SLC9B2: variants seen among roughly 807,000 people sequenced by gnomAD.
The protein encoded by SLC9B2 is sodium/hydrogen exchanger 9B2.
SLC9B2 carries 39 observed loss-of-function variants against 52.2 expected under a neutral mutation model. The ratio of observed to expected loss-of-function variants is 0.75; its 90% CI spans 0.58 to 0.98. The LOEUF (loss-of-function observed/expected upper bound fraction) is 0.98. Among genes scored for constraint, SLC9B2 ranks in the 50% least tolerant of loss-of-function variants. The pLI is 0.00. For synonymous variants in SLC9B2, 214 were observed against 227.0 expected (o/e 0.94, Z 0.51); for missense variants, 626 against 637.5 (o/e 0.98, Z 0.19).
intron 8 of SLC9B2, among the ~76,000 whole-genome samples, chr4:103,043,756 A>G (rs763763138): frequency 6.6e-6 from 1 of 152,226 alleles, no homozygotes; most frequent in Non-Finnish European, 1.5e-5. Context: ...GACCAAGGTT[A>G]AATTTATAGT....
rs1475978814 is a variant in SLC9B2 at position 103,023,209 on chromosome 4, A to G, written c.*3161T>C. Among the ~76,000 whole-genome samples the G allele has an allele frequency of 6.6e-6, 1 of 152,164 alleles. No individual in the cohort carries two copies. The highest frequency in any genetic ancestry group is 2.4e-5 in the African/African-American group (1 of 41,428). On this transcript the variant is annotated 3_prime_UTR_variant, in exon 12 of 12. Transcript: ENST00000394785. ...GTCAGTAAATGTTTATTAAATGTCT[A>G]CTGTGTTCCATGCCCTGTGAAAAAT...
At chr4:103,045,622 G>A (rs1744053594) in intron 7 of SLC9B2, among the ~76,000 whole-genome samples, 1 of 152,062 alleles carries the variant, frequency 6.6e-6, no homozygotes, top group Non-Finnish European at 1.5e-5. Flanking sequence ...GTTGGTGGGG[G>A]GGTGGGGCGG....
downstream of SLC9B2, among the ~76,000 whole-genome samples, chr4:103,018,684 T>C (rs908809933): frequency 2.0e-5 from 3 of 152,050 alleles, no homozygotes; most frequent in Non-Finnish European, 4.4e-5. Context: ...AGGGACCTGG[T>C]ATGGTCCCGT....
At chr4:103,044,266 T>C (rs2110604180) in intron 8 of SLC9B2, among the ~76,000 whole-genome samples, 1 of 152,316 alleles carries the variant, frequency 6.6e-6, no homozygotes, top group East Asian at 1.9e-4. Context: ...TTATGAACTA[T>C]TTTGTCGGTT....
chr4:103,058,724 T>C, intron 3 of SLC9B2, among the ~76,000 whole-genome samples: 1 of 152,140 alleles, frequency 6.6e-6, no homozygotes. Context: ...TCTGGGACAA[T>C]TATCCTGCTG....
chr4:103,043,753 G>T lies in SLC9B2; in HGVS notation c.997-308C>A, dbSNP rs114644583. Reference sequence around the variant, plus strand: ...GAGCTTTGGAGCTGGACAGACCAAGGTTAAATTTATAGTTTTTATACATTG... The same window carrying T: ...GAGCTTTGGAGCTGGACAGACCAAGTTTAAATTTATAGTTTTTATACATTG... On this transcript the variant is annotated intron_variant, in intron 8 of 11. Transcript: ENST00000394785. Among the ~76,000 whole-genome samples, 1,312 of 152,208 alleles carry T rather than the reference G, an allele frequency of 8.6e-3. 7 individuals carry two copies. Among genetic ancestry groups the T allele is most frequent in the Non-Finnish European group, 0.015 (1,023 of 68,018 alleles).
rs184896446 is a variant in SLC9B2, at chr4:103,048,799, A to G, written c.713+94T>C. ...ATCTATGTTGCATTTTCTGATATCT[A>G]TAAGAAAATTCTATTATGCATTCTC... is the stretch of plus-strand genomic sequence containing the variant. On this transcript the variant is annotated intron_variant, in intron 6 of 11. Coordinates refer to ENST00000394785, the MANE Select transcript of SLC9B2 (RefSeq NM_178833.7). 3.9e-5 allele frequency: 55 copies of G among 1,425,552 alleles called. No homozygotes were observed. The Admixed American group carries it at 8.7e-4, about 22-fold the overall frequency. 88.3% of individuals were successfully genotyped at this position (1,425,552 alleles called of 1,614,324 possible).
At chr4:103,070,508 C>T (rs920598505) in intron 1 of SLC9B2, among the ~76,000 whole-genome samples, 1 of 152,110 alleles carries the variant, frequency 6.6e-6, no homozygotes, top group Non-Finnish European at 1.5e-5. Context: ...TGGCATGATC[C>T]TAGCTCACTG....
At chr4:103,032,695 C>T (rs987354333) in intron 9 of SLC9B2, among the ~76,000 whole-genome samples, 25 of 152,288 alleles carry the variant, frequency 1.6e-4, no homozygotes, top group Non-Finnish European at 2.6e-4. Flanking sequence ...ACCAGCAGCA[C>T]CTAGTGGCCA....
intron 6 of SLC9B2, among the ~76,000 whole-genome samples, chr4:103,047,491 C>A (rs1578458332): frequency 6.6e-6 from 1 of 151,394 alleles, no homozygotes; most frequent in Non-Finnish European, 1.5e-5. Context: ...CTGCTGCACC[C>A]ATTAACTCGT....
chr4:103,075,835 G>A (rs1747078870), intron 1 of SLC9B2, among the ~76,000 whole-genome samples: 2 of 152,150 alleles, frequency 1.3e-5, no homozygotes, highest in African/African-American at 4.8e-5. Flanking sequence ...AAATAAGCCT[G>A]AACTATGTTT....
rs539147620 is a variant in SLC9B2 at position 103,053,702 on chromosome 4, C to CT, written c.443-3321dup. Among the ~76,000 whole-genome samples the CT allele has an allele frequency of 8.5e-3, 1,243 of 146,334 alleles. 20 individuals are homozygous for CT. Among genetic ancestry groups the CT allele is most frequent in the African/African-American group, 0.026 (1,063 of 40,210 alleles). ...CTCTGGGGTAAGACCTAGGCATCAG[C>CT]TTTTTTTTTTTCTTTTTTTGAGACC... On this transcript the variant is annotated intron_variant, in intron 4 of 11. Transcript: ENST00000394785.
intron 1 of SLC9B2, among the ~76,000 whole-genome samples, chr4:103,074,727 T>C (rs182366072): frequency 2.6e-5 from 4 of 152,232 alleles, no homozygotes; most frequent in Admixed American, 6.5e-5. Flanking sequence ...GTTGGACTTA[T>C]AAACGTTTGG....
At chr4:103,047,545 TC>T (rs1744278092) in intron 6 of SLC9B2, among the ~76,000 whole-genome samples, 1 of 41,604 alleles carries the variant, frequency 2.4e-5, no homozygotes, top group African/African-American at 9.4e-5. Flanking sequence ...CCTCCCCCCC[TC>T]CCCCCACCCC....
chr4:103,019,630 GGGAGCGGCCCA>G (rs1002711660), downstream of SLC9B2: 17 of 985,370 alleles, frequency 1.7e-5, no homozygotes, highest in African/African-American at 2.8e-4. Context: ...TCGCTGGCCC[GGGAGCGGCCCA>G]GGAGCCCAGT....
chr4:103,061,872 T>C (rs556841378), intron 3 of SLC9B2, among the ~76,000 whole-genome samples: 1 of 152,320 alleles, frequency 6.6e-6, no homozygotes, highest in Non-Finnish European at 1.5e-5. Context: ...TCTACCATAC[T>C]GCTAGAGACT....
chr4:103,031,819 A>G lies in SLC9B2; in HGVS notation c.1147-11T>C. 6.2e-7 allele frequency: 1 copy of G among 1,603,624 alleles called. No individual in the cohort carries two copies. On this transcript the variant is annotated splice_polypyrimidine_tract_variant and intron_variant, in intron 9 of 11. Transcript: ENST00000394785. ...CTTTTCAACCTCTGCCTAAAATAAC[A>G]ATAAAACACACACAGATTTTTATTA...
intron 4 of SLC9B2, among the ~76,000 whole-genome samples, chr4:103,057,267 TATATATACACACACACACACAC>T (rs1267273173): frequency 7.8e-4 from 84 of 107,214 alleles, no homozygotes; most frequent in Non-Finnish European, 1.4e-3. Context: ...TATATATATA[TATATATACACACACACACACAC>T]ATATATACAC....
At position 103,026,515 on chromosome 4, in the gene SLC9B2, A is replaced by C. The variant is rs1742227144; in HGVS notation, c.1469T>G (p.Val490Gly). The C allele has an allele frequency of 6.2e-7, 1 of 1,613,982 alleles. No homozygotes were observed. The highest frequency in any genetic ancestry group is 8.5e-7 in the Non-Finnish European group (1 of 1,179,900). Residue 490 changes from valine (V) to glycine (G), a missense_variant, in exon 12 of 12, where the codon GTG (valine) becomes GGG (glycine). By Grantham distance (109) the Val-to-Gly change is moderately radical (BLOSUM62 -3). Transcript: ENST00000394785. ...EKQLEDYGMD[V>G]LTVAFLSILI... is the part of the protein sequence containing the mutation. ...GATGGACAAAAATGCCACTGTCAAC[A>C]CATCCATTCCATAGTCTTCTAATTG...
Sources: gnomAD v4.1 joint callset for allele counts (sites outside exome capture counted in the v4.1 genomes callset) on GRCh38, gnomAD v4.1.1 for gene constraint, MANE v1.5 for transcripts, NCBI Gene and HGNC (gene_info 2026-07-23, HGNC 2026-07-21) for gene names.